EEIG2: variants seen among roughly 807,000 people sequenced by gnomAD.
The protein encoded by EEIG2 is family with sequence similarity 102 member B.
the EEIG2 span, among the ~76,000 whole-genome samples, chr1:108,595,134 T>G: frequency 2.0e-5 from 3 of 152,036 alleles, no homozygotes; most frequent in Non-Finnish European, 4.4e-5. Context: ...TTTAAAGTAT[T>G]TATATATTAG....
the EEIG2 span, among the ~76,000 whole-genome samples, chr1:108,579,527 TCAA>T: frequency 6.8e-6 from 1 of 147,026 alleles, no homozygotes; most frequent in Non-Finnish European, 1.5e-5. Context: ...ATTAGACAGA[TCAA>T]CGAGACAGAA....
chr1:108,564,920 C>G, the EEIG2 span, among the ~76,000 whole-genome samples: 34 of 152,050 alleles, frequency 2.2e-4, no homozygotes, highest in African/African-American at 8.0e-4. Flanking sequence ...TGCACTCCAG[C>G]CTGGGCAACA....
At chr1:108,617,568 G>T in the EEIG2 span, among the ~76,000 whole-genome samples, 1 of 152,152 alleles carries the variant, frequency 6.6e-6, no homozygotes, top group Admixed American at 6.6e-5. Flanking sequence ...CTGGGCAGGA[G>T]ATAGAAGTTT....
At chr1:108,586,450 G>T in the EEIG2 span, among the ~76,000 whole-genome samples, 1 of 151,920 alleles carries the variant, frequency 6.6e-6, no homozygotes, top group African/African-American at 2.4e-5. Context: ...TTCATAAGAG[G>T]AAATTTATAC....
chr1:108,579,764 T>TGAGAGAGAGAGAGA, the EEIG2 span, among the ~76,000 whole-genome samples: 3 of 17,310 alleles, frequency 1.7e-4, no homozygotes, highest in Non-Finnish European at 5.6e-4. Flanking sequence ...TGTGTGTGTG[T>TGAGAGAGAGAGAGA]GTGTGTGTGA....
At chr1:108,636,928 A>G in the EEIG2 span, 1 of 152,206 alleles carries the variant, frequency 6.6e-6, no homozygotes, top group African/African-American at 2.4e-5. Context: ...TTTTCAAAAT[A>G]TTATTTCTAG....
the EEIG2 span, among the ~76,000 whole-genome samples, chr1:108,567,079 A>C: frequency 1.3e-5 from 2 of 152,232 alleles, no homozygotes; most frequent in African/African-American, 4.8e-5. Flanking sequence ...CAATATATAC[A>C]CATATCAAAA....
At chr1:108,582,444 T>C in the EEIG2 span, among the ~76,000 whole-genome samples, 3 of 152,224 alleles carry the variant, frequency 2.0e-5, no homozygotes, top group Non-Finnish European at 4.4e-5. Context: ...TCTTAATTTG[T>C]ATTAATCTGC....
the EEIG2 span, among the ~76,000 whole-genome samples, chr1:108,603,804 C>T: frequency 6.6e-6 from 1 of 152,266 alleles, no homozygotes; most frequent in East Asian, 1.9e-4. Context: ...AATTCTAAAA[C>T]TGAAAAGTAC....
At chr1:108,616,419 GT>G in the EEIG2 span, 1 of 1,592,022 alleles carries the variant, frequency 6.3e-7, no homozygotes, top group Non-Finnish European at 8.6e-7. Context: ...GGTGACCCAT[GT>G]TTTAAAACGT....
At chr1:108,603,949 A>T in the EEIG2 span, among the ~76,000 whole-genome samples, 3 of 152,234 alleles carry the variant, frequency 2.0e-5, no homozygotes, top group African/African-American at 7.2e-5. Flanking sequence ...CACAGAGAGA[A>T]CAAGGGTGGA....
At chr1:108,613,683 C>G in the EEIG2 span, among the ~76,000 whole-genome samples, 4 of 152,094 alleles carry the variant, frequency 2.6e-5, no homozygotes, top group Admixed American at 2.0e-4. Flanking sequence ...ATCTCCTGAC[C>G]CCTTAGGTAC....
the EEIG2 span, among the ~76,000 whole-genome samples, chr1:108,583,991 G>A: frequency 1.3e-5 from 2 of 151,604 alleles, no homozygotes; most frequent in Non-Finnish European, 3.0e-5. Context: ...GAGATGCTCT[G>A]TTTATTTGGC....
the EEIG2 span, among the ~76,000 whole-genome samples, chr1:108,603,965 C>T: frequency 6.6e-6 from 1 of 151,974 alleles, no homozygotes; most frequent in Non-Finnish European, 1.5e-5. Context: ...GTGGAATACA[C>T]AAGAAAGAAG....
the EEIG2 span, chr1:108,624,685 T>C: frequency 8.7e-6 from 14 of 1,614,012 alleles, no homozygotes; most frequent in Admixed American, 2.0e-4. Flanking sequence ...TGCTGGTGAA[T>C]CTGAATCTTT....
the EEIG2 span, among the ~76,000 whole-genome samples, chr1:108,634,342 C>T: frequency 6.6e-6 from 1 of 152,118 alleles, no homozygotes; most frequent in African/African-American, 2.4e-5. Flanking sequence ...CAGCCAAGTC[C>T]ATGGTGGGCT....
At chr1:108,586,218 G>T in the EEIG2 span, among the ~76,000 whole-genome samples, 1 of 151,932 alleles carries the variant, frequency 6.6e-6, no homozygotes, top group Non-Finnish European at 1.5e-5. Flanking sequence ...TTAGGAACCA[G>T]AGAATCATTT....
At chr1:108,585,661 G>T in the EEIG2 span, among the ~76,000 whole-genome samples, 1 of 152,028 alleles carries the variant, frequency 6.6e-6, no homozygotes, top group Non-Finnish European at 1.5e-5. Context: ...TCAAAGTAGA[G>T]CTATATTAAT....
At chr1:108,629,387 A>G in the EEIG2 span, among the ~76,000 whole-genome samples, 3 of 152,244 alleles carry the variant, frequency 2.0e-5, no homozygotes, top group South Asian at 2.1e-4. Context: ...TAAAAGAAAA[A>G]GAGTTTTAGA....
Sources: allele counts gnomAD v4.1 joint callset (sites outside exome capture counted in the v4.1 genomes callset), GRCh38; gene constraint gnomAD v4.1.1; transcripts MANE v1.5; gene names NCBI Gene and HGNC (gene_info 2026-07-23, HGNC 2026-07-21).